The following CACNA1A variants were observed in gnomAD, a reference collection of about 807,000 sequenced individuals.
CACNA1A encodes voltage-dependent P/Q-type calcium channel subunit alpha-1A.
CACNA1A carries 57 observed loss-of-function variants against 262.4 expected under a neutral mutation model. The observed-to-expected ratio is 0.22, with a 90% CI of 0.18 to 0.27. The LOEUF is 0.27. Among genes scored for constraint, CACNA1A ranks in the 10% least tolerant of loss-of-function variants. The pLI is 1.00. For synonymous variants in CACNA1A, 1,431 were observed against 1,419.3 expected (o/e 1.01, Z -0.18); for missense variants, 2,526 against 3,562.8 (o/e 0.71, Z 7.41).
At chr19:13,252,279 G>T (rs2056420759) in intron 30 of CACNA1A, among the ~76,000 whole-genome samples, 3 of 150,916 alleles carry the variant, frequency 2.0e-5, no homozygotes, top group Admixed American at 2.0e-4. Context: ...TTGCTTTGCT[G>T]CCCAGGCTGG....
chr19:13,334,234 A>G (rs2058517440), intron 8 of CACNA1A, 144 bp downstream of exon 8: 1 of 597,038 alleles, frequency 1.7e-6, no homozygotes, highest in East Asian at 2.8e-5. Context: ...ATTCTTGTTG[A>G]TAAAATTTGG....
At position 13,267,654 on chromosome 19, in the gene CACNA1A, A is replaced by T. The variant is rs186548681; in HGVS notation, c.3990-4821T>A. Among the ~76,000 whole-genome samples the T allele has an allele frequency of 4.6e-5, 7 of 152,254 alleles. No homozygotes were observed. In the East Asian group the frequency reaches 1.4e-3, roughly 30 times the overall value. On this transcript the variant is annotated intron_variant, in intron 24 of 46. Transcript: ENST00000360228. ...CTCTCGTTATCCTCATCTGCAAAAC[A>T]GGCCCAGACTGGGTGCCGTGGCTCA...
chr19:13,265,116 C>T (rs1447166219), intron 24 of CACNA1A, among the ~76,000 whole-genome samples: 1 of 152,180 alleles, frequency 6.6e-6, no homozygotes, highest in Non-Finnish European at 1.5e-5. Context: ...CTCAAGTAAT[C>T]CACTGGCCTT....
At chr19:13,456,951 T>C (rs896174188) in intron 1 of CACNA1A, among the ~76,000 whole-genome samples, 3 of 151,836 alleles carry the variant, frequency 2.0e-5, no homozygotes, top group African/African-American at 7.3e-5. Context: ...CTGGTGGGAA[T>C]ATAAAATGGT....
chr19:13,385,226 C>CT (rs200379554), intron 3 of CACNA1A, among the ~76,000 whole-genome samples: 4,950 of 137,394 alleles, frequency 0.036, 217 homozygotes, highest in East Asian at 0.1. Flanking sequence ...TCTATTCTTT[C>CT]TTTCTTTTTT....
At chr19:13,208,290 A>C (rs1347014492) in intron 46 of CACNA1A, among the ~76,000 whole-genome samples, 2 of 151,112 alleles carry the variant, frequency 1.3e-5, no homozygotes, top group Non-Finnish European at 3.0e-5. Flanking sequence ...GGAGGGGAGG[A>C]GTCGAAAACC....
intron 20 of CACNA1A, 90 bp from the exon 21 acceptor site, chr19:13,285,296 C>A: frequency 6.8e-7 from 1 of 1,464,708 alleles, no homozygotes; most frequent in African/African-American, 1.4e-5. Flanking sequence ...AGGCAAGAAG[C>A]GGCTGACATT....
chr19:13,500,205 G>A (rs574684579), intron 1 of CACNA1A, among the ~76,000 whole-genome samples: 2 of 152,196 alleles, frequency 1.3e-5, no homozygotes, highest in African/African-American at 4.8e-5. Context: ...TTTAGTTAAT[G>A]GGTGAAGACA....
intron 1 of CACNA1A, among the ~76,000 whole-genome samples, chr19:13,487,697 C>T (rs1980196976): frequency 6.6e-6 from 1 of 151,520 alleles, no homozygotes; most frequent in Non-Finnish European, 1.5e-5. Context: ...ATCCCACACC[C>T]AAACCCATTA....
At chr19:13,270,341 G>C (rs1429607951) in intron 24 of CACNA1A, among the ~76,000 whole-genome samples, 1 of 145,882 alleles carries the variant, frequency 6.9e-6, no homozygotes, top group Non-Finnish European at 1.5e-5. Context: ...TCTATGAGGG[G>C]ATATGCACAG....
intron 9 of CACNA1A, 109 bp from the exon 10 acceptor site, chr19:13,330,442 C>G (rs1047535610): frequency 1.3e-6 from 1 of 798,924 alleles, no homozygotes; most frequent in Non-Finnish European, 2.1e-6. Flanking sequence ...ACTGTTCTCA[C>G]GGGAACTAAT....
intron 3 of CACNA1A, among the ~76,000 whole-genome samples, chr19:13,432,103 CAAA>C (rs71170513): frequency 0.035 from 2,235 of 64,338 alleles, 57 homozygotes; most frequent in African/African-American, 0.13. Flanking sequence ...GACTCCGTCT[CAAA>C]AAAAAAAAAA....
At chr19:13,446,506 A>G (rs1167626871) in intron 3 of CACNA1A, among the ~76,000 whole-genome samples, 1 of 146,996 alleles carries the variant, frequency 6.8e-6, no homozygotes, top group African/African-American at 2.5e-5. Context: ...CAGTGGCACA[A>G]TCTCAGCTCA....
intron 6 of CACNA1A, among the ~76,000 whole-genome samples, chr19:13,342,125 C>T (rs2058685767): frequency 1.3e-5 from 2 of 151,774 alleles, no homozygotes; most frequent in Admixed American, 6.6e-5. Context: ...TATTCAATTC[C>T]ATACTCTGGA....
rs554487013 is a variant in CACNA1A, at chr19:13,455,083, A to G, written c.399+24T>C. ...ATGTCCTGCTAAAGCCAAGGAGAAGACCCTGAGAAAAGACATCACTCACCA... is the reference window on the plus strand; with the variant it reads ...ATGTCCTGCTAAAGCCAAGGAGAAGGCCCTGAGAAAAGACATCACTCACCA... On this transcript the variant is annotated intron_variant, in intron 2 of 46. Transcript: ENST00000360228. 12 of 1,426,598 alleles carry G rather than the reference A, an allele frequency of 8.4e-6. No individual in the cohort carries two copies. The African/African-American group carries it at 1.4e-4, about 17-fold the overall frequency. The allele number at this position is 1,426,598 out of a possible 1,614,324, so 88.4% of individuals were successfully genotyped here.
At chr19:13,378,956 A>G (rs908199219) in intron 3 of CACNA1A, among the ~76,000 whole-genome samples, 1 of 142,776 alleles carries the variant, frequency 7.0e-6, no homozygotes, top group African/African-American at 2.6e-5. Context: ...GGCATGAGCC[A>G]CTGTGCCCAG....
At chr19:13,485,525 A>T (rs1472301262) in intron 1 of CACNA1A, among the ~76,000 whole-genome samples, 2 of 150,890 alleles carry the variant, frequency 1.3e-5, no homozygotes, top group East Asian at 3.9e-4. Context: ...ACAAATCAAT[A>T]TTTTTTTTTT....
At chr19:13,373,096 T>A (rs1439844631) in intron 3 of CACNA1A, among the ~76,000 whole-genome samples, 1 of 152,226 alleles carries the variant, frequency 6.6e-6, no homozygotes, top group African/African-American at 2.4e-5. Flanking sequence ...CAAGAAATGC[T>A]GAATACCAGA....
At chr19:13,266,447 CACA>C (rs2056866094) in intron 24 of CACNA1A, among the ~76,000 whole-genome samples, 1 of 152,136 alleles carries the variant, frequency 6.6e-6, no homozygotes, top group South Asian at 2.1e-4. Context: ...ATCCAGGTTG[CACA>C]TGGAACTGGC....
Sources: allele counts gnomAD v4.1 joint callset (sites outside exome capture counted in the v4.1 genomes callset), GRCh38; gene constraint gnomAD v4.1.1; transcripts MANE v1.5; gene names NCBI Gene and HGNC (gene_info 2026-07-23, HGNC 2026-07-21).